The following NDUFAF2 variants were observed in gnomAD, a reference collection of about 807,000 sequenced individuals.
NDUFAF2 encodes the protein NADH dehydrogenase [ubiquinone] 1 alpha subcomplex assembly factor 2.
In NDUFAF2, 13 loss-of-function variants were observed where a neutral mutation model predicts 22.8. The observed-to-expected ratio is 0.57, with a 90% confidence interval of 0.37 to 0.91. NDUFAF2 has a LOEUF of 0.91. Ranked by LOEUF, NDUFAF2 falls within the 40% of genes least tolerant of loss-of-function variation. The probability of loss-of-function intolerance (pLI) is 0.01; values close to 1 mark genes in which losing one functional copy is unlikely to be tolerated. For synonymous variants in NDUFAF2, 53 were observed against 64.2 expected (o/e 0.83, Z 0.84); for missense variants, 162 against 195.2 (o/e 0.83, Z 1.01).
At chr5:61,109,909 T>C (rs887365814) in intron 3 of NDUFAF2, among the ~76,000 whole-genome samples, 1 of 152,188 alleles carries the variant, frequency 6.6e-6, no homozygotes, top group African/African-American at 2.4e-5. Context: ...TTTATCGCAG[T>C]GTGAAAAATG....
At chr5:60,976,141 A>G (rs574333559) in intron 1 of NDUFAF2, among the ~76,000 whole-genome samples, 118 of 152,190 alleles carry the variant, frequency 7.8e-4, no homozygotes, top group African/African-American at 2.7e-3. Flanking sequence ...AGGGTCTACT[A>G]TAAAGTAAAT....
intron 1 of NDUFAF2, among the ~76,000 whole-genome samples, chr5:60,974,393 G>A (rs1204167701): frequency 2.0e-5 from 3 of 152,166 alleles, no homozygotes; most frequent in African/African-American, 7.2e-5. Flanking sequence ...TTTGGGACTC[G>A]ACTGGCTTCC....
At chr5:61,029,466 G>A (rs1334540986) in intron 1 of NDUFAF2, among the ~76,000 whole-genome samples, 1 of 152,088 alleles carries the variant, frequency 6.6e-6, no homozygotes, top group Non-Finnish European at 1.5e-5. Context: ...TGGGGTTTAA[G>A]CAAACATTTA....
At chr5:61,038,016 GATTGA>G (rs1418961014) in intron 1 of NDUFAF2, among the ~76,000 whole-genome samples, 2 of 136,326 alleles carry the variant, frequency 1.5e-5, no homozygotes, top group African/African-American at 5.3e-5. Flanking sequence ...CTTGGTGGTT[GATTGA>G]ATATGGGTGA....
chr5:61,116,649 A>G (rs1344180456), intron 3 of NDUFAF2: 1 of 152,206 alleles, frequency 6.6e-6, no homozygotes, highest in African/African-American at 2.4e-5. Flanking sequence ...TTTATGATTT[A>G]AGCTTGAATG....
At chr5:61,085,615 G>C (rs1187740280) in intron 2 of NDUFAF2, among the ~76,000 whole-genome samples, 1 of 152,102 alleles carries the variant, frequency 6.6e-6, no homozygotes, top group Non-Finnish European at 1.5e-5. Flanking sequence ...ATTACATGTA[G>C]ACAGTCTACA....
In NDUFAF2 at chr5:60,945,375, C is replaced by A; in HGVS notation, c.120C>A (p.Asn40Lys). 6.2e-7 allele frequency: 1 copy of A among 1,614,198 alleles called. No homozygotes were observed. The highest frequency in any genetic ancestry group is 8.5e-7 in the Non-Finnish European group (1 of 1,180,034). ...NKYYYIPQYKNWRGQTIREKR... is the reference protein window; with the variant it reads ...NKYYYIPQYKKWRGQTIREKR... ...ACTACTACATCCCGCAGTACAAGAACTGGAGAGGTGAGGTGGCGGCGTGGG... is the reference window on the plus strand; with the variant it reads ...ACTACTACATCCCGCAGTACAAGAAATGGAGAGGTGAGGTGGCGGCGTGGG... Residue 40 changes from asparagine to lysine, a missense_variant, in exon 1 of 4, where the codon AAC becomes AAA. Transcript: ENST00000296597.
chr5:61,060,188 G>A (rs1752146849), intron 1 of NDUFAF2, among the ~76,000 whole-genome samples: 1 of 152,002 alleles, frequency 6.6e-6, no homozygotes, highest in Non-Finnish European at 1.5e-5. Flanking sequence ...TTGGTGAACA[G>A]CAAGCTCTTA....
intron 1 of NDUFAF2, among the ~76,000 whole-genome samples, chr5:60,988,590 C>A (rs536604065): frequency 1.1e-3 from 171 of 152,126 alleles, no homozygotes; most frequent in African/African-American, 3.9e-3. Flanking sequence ...GCACATAAAC[C>A]AATGGAACAG....
intron 2 of NDUFAF2, among the ~76,000 whole-genome samples, chr5:61,074,660 T>A (rs1752344188): frequency 6.6e-6 from 1 of 152,112 alleles, no homozygotes; most frequent in African/African-American, 2.4e-5. Flanking sequence ...CTCGGGAGGC[T>A]GAGGCAGGAG....
chr5:61,120,739 C>CAT (rs2067352), intron 3 of NDUFAF2, among the ~76,000 whole-genome samples: 141,814 of 152,112 alleles, frequency 0.93, 66,247 homozygotes, highest in East Asian at 1. Flanking sequence ...CCTTCTGAGT[C>CAT]ATCATTAGTC....
Position 61,128,678 on chromosome 5 carries a change from C to A in NDUFAF2, c.259-24026C>A, listed in dbSNP as rs189840958. Among the ~76,000 whole-genome samples, 249 of 152,272 alleles carry A rather than the reference C, an allele frequency of 1.6e-3. 2 individuals are homozygous for A. The highest frequency in any genetic ancestry group is 5.9e-3 in the African/African-American group (243 of 41,534). On this transcript the variant is annotated intron_variant, in intron 3 of 3. Transcript: ENST00000296597. The stretch of plus-strand genomic sequence containing the variant: ...ATGGATTAAAGACTTAAATGTTAGA[C>A]CTAAAACCACAAAAACCCTACAAGA...
chr5:61,056,747 G>A (rs911683389), intron 1 of NDUFAF2, among the ~76,000 whole-genome samples: 4 of 150,928 alleles, frequency 2.7e-5, no homozygotes, highest in East Asian at 1.9e-4. Context: ...CATTAGCTGG[G>A]CATGGTGGCG....
At chr5:60,986,995 G>A (rs76022518) in intron 1 of NDUFAF2, among the ~76,000 whole-genome samples, 1 of 149,512 alleles carries the variant, frequency 6.7e-6, no homozygotes, top group Non-Finnish European at 1.5e-5. Context: ...GAATCCAGGA[G>A]ATAGTTTTTT....
intron 3 of NDUFAF2, among the ~76,000 whole-genome samples, chr5:61,126,172 C>T (rs534952397): frequency 2.0e-5 from 3 of 152,030 alleles, no homozygotes; most frequent in South Asian, 4.1e-4. Context: ...AAATTGATTG[C>T]TTTTCATCTT....
At chr5:61,072,711 T>G (rs1752315091) in intron 1 of NDUFAF2, among the ~76,000 whole-genome samples, 1 of 152,098 alleles carries the variant, frequency 6.6e-6, no homozygotes, top group Admixed American at 6.5e-5. Flanking sequence ...ATTCTCGTGC[T>G]TTAGCCTCCT....
In NDUFAF2 at chr5:61,151,841, C is replaced by T. The variant is rs964464328; in HGVS notation, c.259-863C>T. 1.5e-4 allele frequency among the ~76,000 whole-genome samples: 23 copies of T among 151,990 alleles called. 2 individuals are homozygous for T. The highest frequency in any genetic ancestry group is 9.7e-4 in the East Asian group (5 of 5,180). Reference sequence around the variant, plus strand: ...AACAAACAACAACAACAACAAAACACAGAAGGAATGAATAAAGACCAAAGA... The same window carrying T: ...AACAAACAACAACAACAACAAAACATAGAAGGAATGAATAAAGACCAAAGA... On this transcript the variant is annotated intron_variant, in intron 3 of 3. Transcript: ENST00000296597.
intron 3 of NDUFAF2, among the ~76,000 whole-genome samples, chr5:61,144,605 G>C (rs1741108837): frequency 6.6e-6 from 1 of 152,096 alleles, no homozygotes; most frequent in Non-Finnish European, 1.5e-5. Flanking sequence ...GAAGCAGAAT[G>C]GTGGATACCT....
At chr5:60,950,641 GTT>G (rs1309492733) in intron 1 of NDUFAF2, among the ~76,000 whole-genome samples, 9 of 133,680 alleles carry the variant, frequency 6.7e-5, no homozygotes, top group Non-Finnish European at 1.1e-4. Flanking sequence ...TGCTTGCTGG[GTT>G]TTTTTTTTTT....
Sources: gnomAD v4.1 joint callset for allele counts (sites outside exome capture counted in the v4.1 genomes callset) on GRCh38, gnomAD v4.1.1 for gene constraint, MANE v1.5 for transcripts, NCBI Gene and HGNC (gene_info 2026-07-23, HGNC 2026-07-21) for gene names.